ARHGAP24: variants seen among roughly 807,000 people sequenced by gnomAD.
The protein encoded by ARHGAP24 is rho GTPase-activating protein 24.
ARHGAP24 carries 50 observed loss-of-function variants against 76.4 expected under a neutral mutation model. The ratio of observed to expected loss-of-function variants is 0.65; its 90% CI spans 0.52 to 0.83. The LOEUF (loss-of-function observed/expected upper bound fraction) is 0.83, where lower values mean the gene tolerates loss of function less well. Ranked by LOEUF, ARHGAP24 falls within the 40% of genes least tolerant of loss-of-function variation. The pLI, the probability that ARHGAP24 is intolerant of heterozygous loss-of-function variation, is 0.00. For synonymous variants in ARHGAP24, 345 were observed against 323.3 expected (o/e 1.07, Z -0.72); for missense variants, 930 against 914.2 (o/e 1.02, Z -0.22).
At chr4:85,989,283 G>T (rs1055270076) in intron 8 of ARHGAP24, among the ~76,000 whole-genome samples, 1 of 151,494 alleles carries the variant, frequency 6.6e-6, no homozygotes, top group African/African-American at 2.4e-5. Flanking sequence ...AAGAAATTGG[G>T]CAATGGAGAT....
intron 3 of ARHGAP24, among the ~76,000 whole-genome samples, chr4:85,817,489 G>A (rs1324702592): frequency 6.6e-6 from 1 of 152,102 alleles, no homozygotes; most frequent in Non-Finnish European, 1.5e-5. Context: ...CCATGTTTTT[G>A]TGCCCATGAT....
chr4:85,938,739 ATACTG>A (rs1490089492), intron 4 of ARHGAP24, among the ~76,000 whole-genome samples: 1 of 152,066 alleles, frequency 6.6e-6, no homozygotes, highest in Admixed American at 6.6e-5. Context: ...TTTATATATT[ATACTG>A]CTGTATTAAA....
chr4:85,753,184 A>T (rs992631152), intron 3 of ARHGAP24, among the ~76,000 whole-genome samples: 2 of 152,228 alleles, frequency 1.3e-5, no homozygotes, highest in African/African-American at 4.8e-5. Context: ...TAGAAAGCCC[A>T]TTCGAGAATG....
At chr4:85,919,842 T>TTCAAA (rs1420840296) in intron 3 of ARHGAP24, among the ~76,000 whole-genome samples, 4 of 152,182 alleles carry the variant, frequency 2.6e-5, no homozygotes, top group Admixed American at 2.6e-4. Flanking sequence ...ATATTCTGAT[T>TTCAAA]TCAAAATGAT....
At chr4:85,647,887 TTTTAC>T (rs1278851125) in intron 2 of ARHGAP24, among the ~76,000 whole-genome samples, 1 of 152,168 alleles carries the variant, frequency 6.6e-6, no homozygotes, top group African/African-American at 2.4e-5. Context: ...GTACTAAACA[TTTTAC>T]TTATTCATTT....
At chr4:85,542,860 T>C (rs1725756801) in intron 1 of ARHGAP24, among the ~76,000 whole-genome samples, 1 of 152,222 alleles carries the variant, frequency 6.6e-6, no homozygotes, top group Admixed American at 6.5e-5. Context: ...CATGAGTTAC[T>C]TAGTTGTTTT....
At chr4:85,690,719 T>C (rs1723620327) in intron 2 of ARHGAP24, among the ~76,000 whole-genome samples, 1 of 151,776 alleles carries the variant, frequency 6.6e-6, no homozygotes, top group Non-Finnish European at 1.5e-5. Flanking sequence ...CCCCCTTTTT[T>C]TTTTTTGCTC....
intron 1 of ARHGAP24, among the ~76,000 whole-genome samples, chr4:85,531,114 A>T (rs934065037): frequency 6.6e-6 from 1 of 151,990 alleles, no homozygotes; most frequent in African/African-American, 2.4e-5. Flanking sequence ...TTTGTGTGTC[A>T]GTTCTTTGAG....
chr4:85,561,532 T>TC (rs35021794), intron 1 of ARHGAP24, among the ~76,000 whole-genome samples: 128,957 of 152,090 alleles, frequency 0.85, 56,203 homozygotes, highest in East Asian at 0.98. Context: ...AGTTACTTTT[T>TC]CCCCTTATTG....
chr4:85,647,896 T>C (rs767878643), intron 2 of ARHGAP24, among the ~76,000 whole-genome samples: 32 of 152,314 alleles, frequency 2.1e-4, no homozygotes, highest in Non-Finnish European at 4.1e-4. Flanking sequence ...ATTTTACTTA[T>C]TCATTTTGTG....
intron 2 of ARHGAP24, among the ~76,000 whole-genome samples, chr4:85,639,916 C>T (rs187306927): frequency 9.2e-5 from 14 of 152,100 alleles, no homozygotes; most frequent in Admixed American, 2.6e-4. Context: ...AATTCCTGTG[C>T]GTTATAAATA....
At chr4:85,535,745 T>G (rs1401309109) in intron 1 of ARHGAP24, among the ~76,000 whole-genome samples, 1 of 152,198 alleles carries the variant, frequency 6.6e-6, no homozygotes, top group Non-Finnish European at 1.5e-5. Context: ...GATGTGTATG[T>G]ATGTCTATGA....
chr4:85,616,319 C>G (rs1322817950), intron 2 of ARHGAP24, among the ~76,000 whole-genome samples: 1 of 152,138 alleles, frequency 6.6e-6, no homozygotes, highest in African/African-American at 2.4e-5. Context: ...GTAAAGCCTA[C>G]AAAGAATTTG....
chr4:85,671,535 T>C (rs1445631031), intron 2 of ARHGAP24, among the ~76,000 whole-genome samples: 6 of 152,178 alleles, frequency 3.9e-5, no homozygotes, highest in African/African-American at 1.4e-4. Context: ...CAACAAAGTT[T>C]GTGGTTGAAG....
At chr4:85,903,416 G>A (rs1393565600) in intron 3 of ARHGAP24, among the ~76,000 whole-genome samples, 1 of 151,960 alleles carries the variant, frequency 6.6e-6, no homozygotes, top group African/African-American at 2.4e-5. Context: ...TCACCCAAGA[G>A]CTCTTATATT....
chr4:85,797,155 TTTTTTGTTTTTTTTTTTG>T (rs1477765799), intron 3 of ARHGAP24, among the ~76,000 whole-genome samples: 1 of 124,252 alleles, frequency 8.0e-6, no homozygotes, highest in Admixed American at 7.2e-5. Flanking sequence ...AAAAAAAATT[TTTTTTGTTTTTTTTTTTG>T]TTTTTGTTTT....
intron 3 of ARHGAP24, among the ~76,000 whole-genome samples, chr4:85,885,929 G>A (rs929126681): frequency 5.9e-5 from 9 of 152,158 alleles, no homozygotes; most frequent in East Asian, 1.9e-4. Context: ...TAGGAATCCC[G>A]CACAGAGAAA....
At chr4:85,831,494 A>G (rs1203988770) in intron 3 of ARHGAP24, among the ~76,000 whole-genome samples, 1 of 152,196 alleles carries the variant, frequency 6.6e-6, no homozygotes, top group African/African-American at 2.4e-5. Flanking sequence ...AAAGTATAAA[A>G]CCAACTGGAG....
At chr4:85,623,748 G>A (rs1309633674) in intron 2 of ARHGAP24, among the ~76,000 whole-genome samples, 1 of 151,904 alleles carries the variant, frequency 6.6e-6, no homozygotes, top group Admixed American at 6.6e-5. Flanking sequence ...CCATTTGTTT[G>A]TATCTTCTTT....
Sources: gnomAD v4.1 joint callset for allele counts (sites outside exome capture counted in the v4.1 genomes callset) on GRCh38, gnomAD v4.1.1 for gene constraint, MANE v1.5 for transcripts, NCBI Gene and HGNC (gene_info 2026-07-23, HGNC 2026-07-21) for gene names.